The following ADAM12 variants were observed in gnomAD, a reference collection of about 807,000 sequenced individuals.
The protein encoded by ADAM12 is ADAM metallopeptidase domain 12, also known as disintegrin and metalloproteinase domain-containing protein 12.
In ADAM12, 70 loss-of-function variants were observed where a neutral mutation model predicts 106.4. The observed-to-expected ratio is 0.66, with a 90% CI of 0.54 to 0.80. The LOEUF (loss-of-function observed/expected upper bound fraction) is 0.80. ADAM12 is among the 30% of genes least tolerant of loss of function. The pLI is 0.00. For missense variants in ADAM12, 1,010 were observed against 1,171.9 expected (o/e 0.86, Z 2.02); for synonymous variants, 420 against 433.5 (o/e 0.97, Z 0.39).
rs765313755 is a variant in ADAM12 at position 126,019,657 on chromosome 10, TGAGA to T, written c.2660+34_2660+37del. ...AGTCGTGGTTGGTCCCACAAGAGTT[TGAGA>T]GAGAAAGAGATGGGCATGGCATGTC... is the stretch of plus-strand genomic sequence containing the variant. On this transcript the variant is annotated intron_variant, in intron 22 of 22. Transcript: ENST00000448723. 9.4e-6 allele frequency: 15 copies of T among 1,602,002 alleles called. 2 individuals are homozygous for T. The South Asian group carries it at 1.3e-4, about 14-fold the overall frequency.
intron 8 of ADAM12, among the ~76,000 whole-genome samples, chr10:126,103,450 G>C (rs1341336213): frequency 6.6e-6 from 1 of 152,216 alleles, no homozygotes; most frequent in Admixed American, 6.5e-5. Context: ...GGTGGTTTCT[G>C]TGCTGTGGCT....
intron 3 of ADAM12, among the ~76,000 whole-genome samples, chr10:126,207,633 G>A (rs997256800): frequency 6.6e-6 from 1 of 152,126 alleles, no homozygotes; most frequent in African/African-American, 2.4e-5. Flanking sequence ...GACTCATATA[G>A]CAATTGGTTA....
At position 126,323,899 on chromosome 10, in the gene ADAM12, T is replaced by C. The variant is rs114849240; in HGVS notation, c.186+6513A>G. The stretch of plus-strand genomic sequence containing the variant: ...GGGGCATTGCTTATTGGGTTGAGCA[T>C]AGTCGAGTTGGCTTATTTTAGGGGT... On this transcript the variant is annotated intron_variant, in intron 2 of 22. Transcript: ENST00000448723. 3.5e-3 allele frequency among the ~76,000 whole-genome samples: 533 copies of C among 152,322 alleles called. 6 individuals are homozygous for C. Among genetic ancestry groups the C allele is most frequent in the African/African-American group, 0.012 (508 of 41,570 alleles).
intron 11 of ADAM12, among the ~76,000 whole-genome samples, chr10:126,076,551 C>T (rs771239106): frequency 2.0e-5 from 3 of 152,142 alleles, no homozygotes; most frequent in Non-Finnish European, 2.9e-5. Context: ...TTTTAATAAT[C>T]GCCATTCTGA....
chr10:126,228,859 TA>T (rs779471829), intron 3 of ADAM12, among the ~76,000 whole-genome samples: 7 of 152,248 alleles, frequency 4.6e-5, no homozygotes, highest in South Asian at 2.1e-4. Context: ...TTTGCAAGTA[TA>T]AAATAAACCA....
intron 5 of ADAM12, among the ~76,000 whole-genome samples, chr10:126,126,210 G>T (rs913364416): frequency 6.6e-6 from 1 of 152,088 alleles, no homozygotes; most frequent in African/African-American, 2.4e-5. Context: ...AGACTGGATG[G>T]TTAGCCTCCT....
At chr10:126,145,311 C>G (rs1000894754) in intron 4 of ADAM12, among the ~76,000 whole-genome samples, 1 of 152,098 alleles carries the variant, frequency 6.6e-6, no homozygotes, top group Admixed American at 6.6e-5. Flanking sequence ...AGCTGCTCTC[C>G]CCCAAGAGCA....
intron 3 of ADAM12, among the ~76,000 whole-genome samples, chr10:126,260,762 A>G (rs1169906375): frequency 2.6e-5 from 4 of 152,208 alleles, no homozygotes; most frequent in Non-Finnish European, 5.9e-5. Flanking sequence ...TGCCACCGTA[A>G]TGACATGTGT....
Position 126,094,260 on chromosome 10 carries a change from C to G in ADAM12, c.997-127G>C, listed in dbSNP as rs1318905186. 12 of 894,564 alleles carry G rather than the reference C, an allele frequency of 1.3e-5. No individual in the cohort carries two copies. In the East Asian group the frequency reaches 3.2e-4, roughly 24 times the overall value. 55.4% of individuals were successfully genotyped at this position (894,564 alleles called of 1,614,324 possible). A position where few individuals can be genotyped will look rare whatever the true frequency, so the allele number is the denominator to read the frequency against. ...CTTAATGTAATTCCTTATAAGGGACCAAGGTAAAACGCTATCATTTAGTTT... is the reference window on the plus strand; with the variant it reads ...CTTAATGTAATTCCTTATAAGGGACGAAGGTAAAACGCTATCATTTAGTTT... On this transcript the variant is annotated intron_variant, in intron 10 of 22. Transcript: ENST00000448723.
intron 11 of ADAM12, among the ~76,000 whole-genome samples, chr10:126,086,699 AT>A (rs1565045839): frequency 3.1e-5 from 3 of 98,204 alleles, no homozygotes; most frequent in African/African-American, 8.7e-5. Flanking sequence ...ATATATATAT[AT>A]ATATATAAAA....
intron 19 of ADAM12, among the ~76,000 whole-genome samples, chr10:126,038,952 C>CTTTTT (rs34277276): frequency 0.02 from 1,403 of 71,518 alleles, 37 homozygotes; most frequent in Middle Eastern, 0.042. Context: ...GACACCATTT[C>CTTTTT]TTTTTTTTTT....
intron 3 of ADAM12, among the ~76,000 whole-genome samples, chr10:126,179,886 C>T (rs935021158): frequency 2.8e-4 from 42 of 152,240 alleles, no homozygotes; most frequent in Middle Eastern, 3.4e-3. Flanking sequence ...GAGCTAAGGA[C>T]GGCTTCCTGG....
chr10:126,227,527 C>T lies in ADAM12; in HGVS notation c.260+51388G>A, dbSNP rs544320994. On this transcript the variant is annotated intron_variant, in intron 3 of 22. Coordinates refer to ENST00000448723, the MANE Select transcript of ADAM12 (RefSeq NM_001288973.2). ...TGACAGCATGGGCCAGCAGCAGGTA[C>T]GACACACAGGAGCTTGTTAGAAACA... 3.9e-5 allele frequency among the ~76,000 whole-genome samples: 6 copies of T among 152,260 alleles called. No individual in the cohort carries two copies. In the South Asian group the frequency reaches 1.0e-3, roughly 26 times the overall value.
intron 3 of ADAM12, among the ~76,000 whole-genome samples, chr10:126,159,173 G>A (rs1956888025): frequency 6.6e-6 from 1 of 151,728 alleles, no homozygotes; most frequent in Admixed American, 6.6e-5. Context: ...AGCCGGGCAC[G>A]GTGGTGGGTG....
At chr10:126,018,954 G>C (rs1266649552) in intron 22 of ADAM12, among the ~76,000 whole-genome samples, 3 of 152,196 alleles carry the variant, frequency 2.0e-5, no homozygotes, top group Admixed American at 2.0e-4. Context: ...GAGTTGTGGA[G>C]GTGGGCATTG....
At chr10:126,174,332 C>T (rs905395285) in intron 3 of ADAM12, among the ~76,000 whole-genome samples, 8 of 151,992 alleles carry the variant, frequency 5.3e-5, no homozygotes, top group Admixed American at 2.0e-4. Context: ...TATTCTCCTA[C>T]GCATCATGGC....
intron 2 of ADAM12, among the ~76,000 whole-genome samples, chr10:126,306,586 T>C (rs1960854993): frequency 6.6e-6 from 1 of 152,186 alleles, no homozygotes. Flanking sequence ...TATCACCTGC[T>C]TTTGGTTTTT....
At chr10:126,227,528 G>A (rs1195239872) in intron 3 of ADAM12, among the ~76,000 whole-genome samples, 2 of 152,224 alleles carry the variant, frequency 1.3e-5, no homozygotes, top group South Asian at 2.1e-4. Flanking sequence ...CAGCAGGTAC[G>A]ACACACAGGA....
intron 1 of ADAM12, among the ~76,000 whole-genome samples, chr10:126,334,947 C>A (rs1041129777): frequency 3.3e-5 from 5 of 152,220 alleles, no homozygotes; most frequent in African/African-American, 1.2e-4. Flanking sequence ...ACATCTGAGG[C>A]TCTACCGTCT....
Sources: gnomAD v4.1 joint callset for allele counts (sites outside exome capture counted in the v4.1 genomes callset) on GRCh38, gnomAD v4.1.1 for gene constraint, MANE v1.5 for transcripts, NCBI Gene and HGNC (gene_info 2026-07-23, HGNC 2026-07-21) for gene names.